AFMID: variants seen among roughly 807,000 people sequenced by gnomAD.
The protein encoded by AFMID is kynurenine formamidase.
Under a neutral mutation model 47.5 loss-of-function variants are expected in AFMID, and 39 were observed. The observed-to-expected ratio is 0.82, with a 90% CI of 0.64 to 1.07. The LOEUF is 1.07. AFMID is among the 50% of genes least tolerant of loss of function. The probability of loss-of-function intolerance (pLI) is 0.00; values close to 1 mark genes in which losing one functional copy is unlikely to be tolerated. For synonymous variants in AFMID, 130 were observed against 153.2 expected (o/e 0.85, Z 1.12); for missense variants, 375 against 387.5 (o/e 0.97, Z 0.27).
intron 1 of AFMID, among the ~76,000 whole-genome samples, chr17:78,189,527 GT>G (rs61172116): frequency 0.49 from 69,255 of 140,462 alleles, 17,681 homozygotes; most frequent in East Asian, 0.69. Context: ...CCAGTGTTTT[GT>G]TTTTTTTTTT....
chr17:78,205,832 C>A, intron 9 of AFMID, 94 bp downstream of exon 9: 1 of 1,595,474 alleles, frequency 6.3e-7, no homozygotes, highest in Non-Finnish European at 8.6e-7. Flanking sequence ...GACCCTCCAT[C>A]ATTTATTTAA....
intron 2 of AFMID, among the ~76,000 whole-genome samples, chr17:78,192,175 A>ATT (rs201019004): frequency 1.4e-4 from 18 of 124,140 alleles, no homozygotes; most frequent in East Asian, 1.4e-3. Flanking sequence ...AGTGTTTTGT[A>ATT]TTTTTTTTTT....
chr17:78,200,718 A>G (rs2076224205), intron 2 of AFMID, among the ~76,000 whole-genome samples: 1 of 152,210 alleles, frequency 6.6e-6, no homozygotes, highest in East Asian at 1.9e-4. Context: ...GGCAGTGTCC[A>G]CACCTTAATT....
chr17:78,205,765 G>T (rs767381445), intron 9 of AFMID, 27 bp downstream of exon 9: 91 of 1,606,578 alleles, frequency 5.7e-5, no homozygotes, highest in Non-Finnish European at 7.5e-5. Context: ...TTTGTGGCCA[G>T]AGGTCGAGGG....
At position 78,202,510 on chromosome 17, in the gene AFMID, G is replaced by A. The variant is rs776294235; in HGVS notation, c.166G>A (p.Ala56Thr). ...SQIGIEATTR[A>T]RATRKSLLHV... ...CATTTCTGAGACAGCCACCACAAGG[G>A]CCCGGGCCACCAGGAAGAGCCTGCT... Residue 56 changes from alanine to threonine, a missense_variant, in exon 3 of 11, where the codon GCC becomes ACC. Physicochemically the swap from Ala to Thr is moderately conservative, Grantham distance 58. Transcript: ENST00000409257. The A allele has an allele frequency of 5.0e-6, 8 of 1,614,124 alleles. No individual in the cohort carries two copies. The East Asian group carries it at 1.8e-4, about 36-fold the overall frequency.
At chr17:78,195,648 G>A (rs11657273) in intron 2 of AFMID, among the ~76,000 whole-genome samples, 12,040 of 151,448 alleles carry the variant, frequency 0.079, 900 homozygotes, top group African/African-American at 0.19. Context: ...GATTACAGGC[G>A]TGCGCCACCA....
chr17:78,196,575 A>G (rs992172879), intron 2 of AFMID, among the ~76,000 whole-genome samples: 2 of 152,094 alleles, frequency 1.3e-5, no homozygotes, highest in Admixed American at 1.3e-4. Flanking sequence ...GCCACCGGGG[A>G]GGCTGAAGTG....
Position 78,207,207 on chromosome 17 carries a change from C to G in AFMID, c.*270C>G, listed in dbSNP as rs575766084. 2.1e-6 allele frequency: 1 copy of G among 471,496 alleles called. No homozygotes were observed. Among genetic ancestry groups the G allele is most frequent in the African/African-American group, 2.0e-5 (1 of 49,132 alleles). 29.2% of individuals were successfully genotyped at this position (471,496 alleles called of 1,614,324 possible). A position where few individuals can be genotyped will look rare whatever the true frequency, so the allele number is the denominator to read the frequency against. On this transcript the variant is annotated 3_prime_UTR_variant, in exon 11 of 11. Coordinates refer to ENST00000409257, the MANE Select transcript of AFMID (RefSeq NM_001010982.5). ...GATGCCCGGAGCTGCCTCTTAGACTCGTCTGGCCCATCTACCTGCTGACAG... is the reference window on the plus strand; with the variant it reads ...GATGCCCGGAGCTGCCTCTTAGACTGGTCTGGCCCATCTACCTGCTGACAG...
intron 2 of AFMID, among the ~76,000 whole-genome samples, chr17:78,202,276 A>T (rs116635615): frequency 0.11 from 16,718 of 149,344 alleles, 1,478 homozygotes; most frequent in East Asian, 0.4. Flanking sequence ...TATATATATA[A>T]AAATTAGCTG....
At chr17:78,203,350 C>G (rs1039176198) in intron 4 of AFMID, 1 of 144,452 alleles carries the variant, frequency 6.9e-6, no homozygotes, top group Non-Finnish European at 1.5e-5. Context: ...CGTGAGCCAC[C>G]ACACCAGCCT....
intron 2 of AFMID, among the ~76,000 whole-genome samples, chr17:78,201,687 G>C (rs192389022): frequency 1.3e-5 from 2 of 152,096 alleles, no homozygotes; most frequent in African/African-American, 2.4e-5. Context: ...TGCTGAAAAG[G>C]GTCCTCGCAG....
Position 78,202,688 on chromosome 17 carries a change from T to G in AFMID, c.260-15T>G, listed in dbSNP as rs2076277896. The G allele has an allele frequency of 6.4e-7, 1 of 1,562,632 alleles. No individual in the cohort carries two copies. The highest frequency in any genetic ancestry group is 1.4e-5 in the African/African-American group (1 of 73,758). The stretch of plus-strand genomic sequence containing the variant: ...GGGCGGGCCTTGCTCACACGCCCTG[T>G]GCTTGGTTTTGCAGCCTTGCCTTTC... On this transcript the variant is annotated splice_polypyrimidine_tract_variant and intron_variant, in intron 3 of 10. Transcript: ENST00000409257.
intron 4 of AFMID, 37 bp from the exon 5 acceptor site, chr17:78,204,619 A>C: frequency 6.2e-7 from 1 of 1,608,442 alleles, no homozygotes; most frequent in Non-Finnish European, 8.5e-7. Context: ...GTAGTGGCCA[A>C]GCTGCCTCCA....
intron 1 of AFMID, among the ~76,000 whole-genome samples, chr17:78,187,960 C>CAAAAAAAAAAAAAAAAAAAAAAAAAAAA (rs34018698): frequency 5.3e-5 from 3 of 56,678 alleles, no homozygotes; most frequent in African/African-American, 7.7e-5. Flanking sequence ...GACTTAGTCT[C>CAAAAAAAAAAAAAAAAAAAAAAAAAAAA]AAAAAAAAAA....
chr17:78,206,375 G>GGAAA (rs1479933709), intron 10 of AFMID, among the ~76,000 whole-genome samples: 1 of 147,942 alleles, frequency 6.8e-6, no homozygotes, highest in East Asian at 2.0e-4. Context: ...TGAGAACCTA[G>GGAAA]GAAAGAAAGA....
At chr17:78,202,152 C>T (rs1029547943) in intron 2 of AFMID, among the ~76,000 whole-genome samples, 12 of 151,604 alleles carry the variant, frequency 7.9e-5, no homozygotes, top group Admixed American at 7.9e-4. Context: ...TGGCTGGGCA[C>T]AGTGGCTCAT....
chr17:78,199,386 C>CTT (rs11437763), intron 2 of AFMID, among the ~76,000 whole-genome samples: 4 of 146,774 alleles, frequency 2.7e-5, no homozygotes, highest in African/African-American at 7.5e-5. Context: ...TTTTTCTTTT[C>CTT]TTTTTTTTTG....
chr17:78,192,416 G>A (rs1173401846), intron 2 of AFMID, among the ~76,000 whole-genome samples: 3 of 147,918 alleles, frequency 2.0e-5, no homozygotes, highest in Non-Finnish European at 3.0e-5. Flanking sequence ...CCAGGTTCAA[G>A]CGATTCTTCT....
intron 4 of AFMID, 122 bp downstream of exon 4, chr17:78,202,873 T>G: frequency 8.3e-7 from 1 of 1,201,360 alleles, no homozygotes; most frequent in South Asian, 1.3e-5. Flanking sequence ...GGGCTGTGTC[T>G]CACAGCGCTG....
Sources: gnomAD v4.1 joint callset for allele counts (sites outside exome capture counted in the v4.1 genomes callset) on GRCh38, gnomAD v4.1.1 for gene constraint, MANE v1.5 for transcripts, NCBI Gene and HGNC (gene_info 2026-07-23, HGNC 2026-07-21) for gene names.